Variants in PITPNC1 observed in about 807,000 individuals in gnomAD.
The protein encoded by PITPNC1 is phosphatidylinositol transfer protein cytoplasmic 1, also known as cytoplasmic phosphatidylinositol transfer protein 1.
A neutral mutation model predicts 44.7 loss-of-function variants in PITPNC1; 18 were observed. The ratio of observed to expected loss-of-function variants is 0.40; its 90% CI spans 0.28 to 0.60. The LOEUF is 0.60. Among genes scored for constraint, PITPNC1 ranks in the 20% least tolerant of loss-of-function variants. The pLI is 0.39. For missense variants in PITPNC1, 290 were observed against 418.4 expected (o/e 0.69, Z 2.68); for synonymous variants, 141 against 149.6 (o/e 0.94, Z 0.42).
intron 6 of PITPNC1, among the ~76,000 whole-genome samples, chr17:67,652,682 T>C (rs901806557): frequency 2.0e-5 from 3 of 152,202 alleles, no homozygotes; most frequent in African/African-American, 7.2e-5. Flanking sequence ...GGCAGGGCCC[T>C]TGAGGCAAGA....
At chr17:67,425,394 C>G (rs556209926) in intron 1 of PITPNC1, among the ~76,000 whole-genome samples, 1 of 151,214 alleles carries the variant, frequency 6.6e-6, no homozygotes, top group Non-Finnish European at 1.5e-5. Context: ...GGTTGACAAA[C>G]TTTTTTTTTC....
At chr17:67,550,412 G>A (rs2040743925) in intron 2 of PITPNC1, among the ~76,000 whole-genome samples, 1 of 141,496 alleles carries the variant, frequency 7.1e-6, no homozygotes, top group Non-Finnish European at 1.6e-5. Context: ...GCCAGGCCTG[G>A]TTACTGTCAG....
At chr17:67,680,841 T>C (rs188448276) in intron 8 of PITPNC1, among the ~76,000 whole-genome samples, 10 of 152,356 alleles carry the variant, frequency 6.6e-5, no homozygotes, top group African/African-American at 2.4e-4. Flanking sequence ...GTATCCATTC[T>C]TATTTATGAT....
At chr17:67,454,431 T>C (rs1395975140) in intron 1 of PITPNC1, among the ~76,000 whole-genome samples, 3 of 152,180 alleles carry the variant, frequency 2.0e-5, no homozygotes, top group African/African-American at 4.8e-5. Context: ...AGTTGCTGTA[T>C]AGATTAAACA....
At chr17:67,649,043 A>G (rs1196746697) in intron 6 of PITPNC1, among the ~76,000 whole-genome samples, 3 of 152,160 alleles carry the variant, frequency 2.0e-5, no homozygotes, top group Non-Finnish European at 4.4e-5. Flanking sequence ...GGTCTTAGCT[A>G]CTCAGGAAGC....
chr17:67,677,374 AAAG>A (rs1347024236), intron 8 of PITPNC1, among the ~76,000 whole-genome samples: 1 of 152,168 alleles, frequency 6.6e-6, no homozygotes, highest in Non-Finnish European at 1.5e-5. Flanking sequence ...CCAGAGTGCC[AAAG>A]AAGATTTTTC....
At chr17:67,580,913 G>GGCACACACACCTGTGGTT (rs2041222615) in intron 5 of PITPNC1, among the ~76,000 whole-genome samples, 2 of 152,170 alleles carry the variant, frequency 1.3e-5, no homozygotes. Context: ...CAGGCGTGGT[G>GGCACACACACCTGTGGTT]GCACACACAC....
intron 4 of PITPNC1, among the ~76,000 whole-genome samples, chr17:67,563,860 G>T (rs950064251): frequency 2.6e-5 from 4 of 152,140 alleles, no homozygotes; most frequent in Non-Finnish European, 5.9e-5. Context: ...AACCAATGGT[G>T]GGGGAGATGT....
At chr17:67,494,171 CTTTCTTTCTTTCTT>C (rs1327670718) in intron 1 of PITPNC1, among the ~76,000 whole-genome samples, 42 of 64,804 alleles carry the variant, frequency 6.5e-4, no homozygotes, top group Middle Eastern at 0.011. Context: ...CTCTTTCTTT[CTTTCTTTCTTTCTT>C]TTTCTTTCTT....
intron 6 of PITPNC1, among the ~76,000 whole-genome samples, chr17:67,647,776 C>T (rs2042168975): frequency 6.6e-6 from 1 of 152,122 alleles, no homozygotes; most frequent in Non-Finnish European, 1.5e-5. Flanking sequence ...AGCTGAAATT[C>T]AAACCTGGGG....
At chr17:67,592,006 C>T (rs538921059) in intron 5 of PITPNC1, among the ~76,000 whole-genome samples, 1 of 151,762 alleles carries the variant, frequency 6.6e-6, no homozygotes, top group South Asian at 2.1e-4. Context: ...AGTCACCACA[C>T]CCAGCGCAAT....
intron 6 of PITPNC1, among the ~76,000 whole-genome samples, chr17:67,646,216 C>CT (rs1598927962): frequency 6.6e-6 from 1 of 152,230 alleles, no homozygotes; most frequent in Non-Finnish European, 1.5e-5. Flanking sequence ...GTTTAGCACT[C>CT]TAAGAATCTG....
chr17:67,580,908 G>A (rs981257131), intron 5 of PITPNC1, among the ~76,000 whole-genome samples: 4 of 152,160 alleles, frequency 2.6e-5, no homozygotes, highest in African/African-American at 9.7e-5. Context: ...TTAGCCAGGC[G>A]TGGTGGCACA....
At chr17:67,629,125 C>T (rs1460370397) in intron 5 of PITPNC1, among the ~76,000 whole-genome samples, 2 of 152,108 alleles carry the variant, frequency 1.3e-5, no homozygotes, top group African/African-American at 2.4e-5. Flanking sequence ...CCCCTTCATC[C>T]GTGCTTAGTT....
Position 67,661,025 on chromosome 17 carries a change from A to ATT in PITPNC1, c.463-8466_463-8465dup, listed in dbSNP as rs34870441. On this transcript the variant is annotated intron_variant, in intron 6 of 8. Transcript: ENST00000581322. Reference sequence around the variant, plus strand: ...AGGCGCCCGCCACCACGCCCAGCTAATTTTTTTTTTTTTTTTTTGTATTTT... The same window carrying ATT: ...AGGCGCCCGCCACCACGCCCAGCTAATTTTTTTTTTTTTTTTTTTTGTATTTT... 5.6e-3 allele frequency among the ~76,000 whole-genome samples: 718 copies of ATT among 128,766 alleles called. 3 individuals are homozygous for ATT. The highest frequency in any genetic ancestry group is 8.7e-3 in the Non-Finnish European group (532 of 61,304). The allele number at this position is 128,766 out of a possible 152,430, so 84.5% of individuals were successfully genotyped here. A position where few individuals can be genotyped will look rare whatever the true frequency, so the allele number is the denominator to read the frequency against.
chr17:67,599,283 C>T (rs183625230), intron 5 of PITPNC1, among the ~76,000 whole-genome samples: 58 of 151,472 alleles, frequency 3.8e-4, no homozygotes, highest in African/African-American at 1.2e-3. Context: ...GAAGTAGTCA[C>T]GGAAAACTTA....
chr17:67,658,967 A>G (rs1158721103), intron 6 of PITPNC1, among the ~76,000 whole-genome samples: 1 of 152,132 alleles, frequency 6.6e-6, no homozygotes. Flanking sequence ...AAGTCAAAAG[A>G]CAGATGGGGA....
At chr17:67,677,147 C>A (rs2042617970) in intron 8 of PITPNC1, among the ~76,000 whole-genome samples, 1 of 152,058 alleles carries the variant, frequency 6.6e-6, no homozygotes, top group South Asian at 2.1e-4. Flanking sequence ...GCACAGACCC[C>A]AAGAAAGGAT....
chr17:67,392,336 G>T (rs2038150310), intron 1 of PITPNC1, among the ~76,000 whole-genome samples: 1 of 152,154 alleles, frequency 6.6e-6, no homozygotes, highest in South Asian at 2.1e-4. Context: ...TACTAGCAGT[G>T]CCTCCAGATC....
Sources: allele counts gnomAD v4.1 joint callset (sites outside exome capture counted in the v4.1 genomes callset), GRCh38; gene constraint gnomAD v4.1.1; transcripts MANE v1.5; gene names NCBI Gene and HGNC (gene_info 2026-07-23, HGNC 2026-07-21).